Variants in ZYG11B observed in about 807,000 individuals in gnomAD.
ZYG11B encodes the protein protein zyg-11 homolog B.
A neutral mutation model predicts 82.4 loss-of-function variants in ZYG11B; 36 were observed. That is an observed-to-expected ratio of 0.44 (90% CI 0.33 to 0.58). The LOEUF is 0.58. ZYG11B is among the 20% of genes least tolerant of loss of function. The probability of loss-of-function intolerance (pLI) is 0.02; values close to 1 mark genes in which losing one functional copy is unlikely to be tolerated. For missense variants in ZYG11B, 552 were observed against 895.6 expected (o/e 0.62, Z 4.90); for synonymous variants, 303 against 312.8 (o/e 0.97, Z 0.33).
At chr1:52,800,312 A>G (rs1161596397) in intron 8 of ZYG11B, among the ~76,000 whole-genome samples, 5 of 151,856 alleles carry the variant, frequency 3.3e-5, no homozygotes, top group African/African-American at 7.2e-5. Flanking sequence ...CTGAGGTAGT[A>G]TATGCTAAGT....
intron 1 of ZYG11B, among the ~76,000 whole-genome samples, chr1:52,745,573 G>GT (rs1445876841): frequency 6.6e-6 from 1 of 152,022 alleles, no homozygotes; most frequent in Non-Finnish European, 1.5e-5. Flanking sequence ...GGTTTTCTTT[G>GT]TTTTTGTTTG....
chr1:52,808,736 T>C (rs1460470399), intron 10 of ZYG11B, among the ~76,000 whole-genome samples: 1 of 152,216 alleles, frequency 6.6e-6, no homozygotes, highest in Non-Finnish European at 1.5e-5. Flanking sequence ...AATTTGCACA[T>C]GTTAAGCTGC....
intron 1 of ZYG11B, among the ~76,000 whole-genome samples, chr1:52,730,225 G>A (rs1644318398): frequency 1.3e-5 from 2 of 152,174 alleles, no homozygotes; most frequent in Admixed American, 1.3e-4. Flanking sequence ...TTTTTGGAGT[G>A]TCTTTGACTG....
At chr1:52,775,537 A>G (rs1481095248) in intron 3 of ZYG11B, among the ~76,000 whole-genome samples, 3 of 151,634 alleles carry the variant, frequency 2.0e-5, no homozygotes, top group African/African-American at 7.3e-5. Context: ...CTAAAAATAC[A>G]AAAATTAGCC....
At chr1:52,801,760 C>T in intron 8 of ZYG11B, 59 bp from the exon 9 acceptor site, 1 of 1,411,736 alleles carries the variant, frequency 7.1e-7, no homozygotes, top group Non-Finnish European at 9.6e-7. Flanking sequence ...TTATTAATCA[C>T]CACAAATTGT....
chr1:52,771,721 C>T lies in ZYG11B; in HGVS notation c.898C>T (p.Leu300=), dbSNP rs1248314005. The T allele has an allele frequency of 6.2e-7, 1 of 1,613,908 alleles. No individual in the cohort carries two copies. The highest frequency in any genetic ancestry group is 1.7e-5 in the Admixed American group (1 of 60,004). The change falls in exon 3 of 14, where the codon CTG becomes TTG. Residue 300 remains leucine, a synonymous_variant. Coordinates refer to ENST00000294353, the MANE Select transcript of ZYG11B (RefSeq NM_024646.3). This position sits in a 1 kb window ranked among gnomAD's most constrained non-coding sequence, Gnocchi z 5.4. ...TCCAAGCATGCAATTTGTAGGTTTG[C>T]TGGCTACTGATGCTGGTTACTCTGA... is the stretch of plus-strand genomic sequence containing the variant. ...QRPSMQFVGL[L]ATDAGYSEFL...
intron 1 of ZYG11B, among the ~76,000 whole-genome samples, chr1:52,741,656 A>G (rs1644432641): frequency 6.6e-6 from 1 of 152,126 alleles, no homozygotes; most frequent in Admixed American, 6.5e-5. Context: ...AGAATACAGT[A>G]GAGAAGAAAA....
intron 10 of ZYG11B, among the ~76,000 whole-genome samples, chr1:52,811,360 T>C (rs1217349574): frequency 6.6e-6 from 1 of 152,228 alleles, no homozygotes; most frequent in Admixed American, 6.5e-5. Context: ...ACTTCAGTTA[T>C]AAGCATGTTA....
At chr1:52,795,653 A>G (rs1317007971) in intron 6 of ZYG11B, among the ~76,000 whole-genome samples, 3 of 152,038 alleles carry the variant, frequency 2.0e-5, no homozygotes, top group East Asian at 1.9e-4. Context: ...TACTTCCTCA[A>G]AAGTTTCAAT....
At chr1:52,792,305 C>T (rs1365747595) in intron 6 of ZYG11B, among the ~76,000 whole-genome samples, 4 of 152,078 alleles carry the variant, frequency 2.6e-5, no homozygotes, top group African/African-American at 7.2e-5. Flanking sequence ...ATGCATTGTG[C>T]CCCCACACAA....
chr1:52,767,232 A>G (rs1478395116), intron 2 of ZYG11B, among the ~76,000 whole-genome samples: 2 of 145,632 alleles, frequency 1.4e-5, no homozygotes, highest in Non-Finnish European at 3.1e-5. Context: ...TTATTTTGTT[A>G]TTTTATTTTA....
At chr1:52,751,335 A>T (rs1470957625) in intron 1 of ZYG11B, among the ~76,000 whole-genome samples, 1 of 40,016 alleles carries the variant, frequency 2.5e-5, no homozygotes, top group African/African-American at 1.4e-4. Flanking sequence ...ATATAGTTAA[A>T]AAAAAAAAAA....
At position 52,756,581 on chromosome 1, in the gene ZYG11B, C is replaced by T; in HGVS notation, c.154C>T (p.Gln52Ter). 6.2e-7 allele frequency: 1 copy of T among 1,613,980 alleles called. No individual in the cohort carries two copies. Among genetic ancestry groups the T allele is most frequent in the Non-Finnish European group, 8.5e-7 (1 of 1,179,980 alleles). Residue 52 changes from glutamine (Q) to a stop codon, truncating the protein, a stop_gained, in exon 2 of 14, where the codon CAG becomes TAG. Coordinates refer to ENST00000294353, the MANE Select transcript of ZYG11B (RefSeq NM_024646.3). LOFTEE classifies it high-confidence loss of function. The stretch of plus-strand genomic sequence containing the variant: ...TCTGCAGGAACCTGGAGTATTCCCA[C>T]AGGAGGTGGCTGATCGACTGCTTCG... ...LCLQEPGVFP[Q>*]EVADRLLRTM...
intron 1 of ZYG11B, among the ~76,000 whole-genome samples, chr1:52,747,063 A>T (rs2149924743): frequency 6.6e-6 from 1 of 151,816 alleles, no homozygotes; most frequent in South Asian, 2.1e-4. Flanking sequence ...CAGCATCCTC[A>T]TATACAAAAT....
intron 2 of ZYG11B, among the ~76,000 whole-genome samples, chr1:52,761,850 C>T (rs1158061802): frequency 6.6e-6 from 1 of 151,978 alleles, no homozygotes; most frequent in East Asian, 1.9e-4. Context: ...TATTTTTTGT[C>T]TTTTGTTAAT....
intron 1 of ZYG11B, among the ~76,000 whole-genome samples, chr1:52,743,336 A>G (rs539625833): frequency 4.8e-4 from 69 of 143,814 alleles, no homozygotes; most frequent in Admixed American, 2.5e-3. Flanking sequence ...CCTTCCCTCC[A>G]CTATTGTCCT....
intron 1 of ZYG11B, chr1:52,754,407 GT>G: frequency 6.6e-6 from 1 of 151,934 alleles, no homozygotes; most frequent in South Asian, 2.1e-4. Context: ...TTGAGATGGA[GT>G]TTCCCTCTTG....
chr1:52,765,673 A>G (rs1329570589), intron 2 of ZYG11B, among the ~76,000 whole-genome samples: 4 of 151,508 alleles, frequency 2.6e-5, no homozygotes, highest in Non-Finnish European at 5.9e-5. Context: ...GACTAATTAA[A>G]ATTTTTTGTT....
chr1:52,778,121 C>T (rs1325477633), intron 3 of ZYG11B, among the ~76,000 whole-genome samples: 1 of 152,132 alleles, frequency 6.6e-6, no homozygotes, highest in Non-Finnish European at 1.5e-5. Context: ...ATTTTATGAC[C>T]CAACTATTTA....
Sources: allele counts gnomAD v4.1 joint callset (sites outside exome capture counted in the v4.1 genomes callset), GRCh38; gene constraint gnomAD v4.1.1; non-coding constraint Gnocchi (gnomAD v3.1); transcripts MANE v1.5; gene names NCBI Gene and HGNC (gene_info 2026-07-23, HGNC 2026-07-21).